The following SPG11 variants were observed in gnomAD, a reference collection of about 807,000 sequenced individuals.
The protein encoded by SPG11 is SPG11 vesicle trafficking associated, spatacsin.
Under a neutral mutation model 274.0 loss-of-function variants are expected in SPG11, and 222 were observed. That is an observed-to-expected ratio of 0.81 (90% CI 0.73 to 0.91). The LOEUF (loss-of-function observed/expected upper bound fraction) is 0.91, where lower values mean the gene tolerates loss of function less well. SPG11 is among the 40% of genes least tolerant of loss of function. The pLI, the probability that SPG11 is intolerant of heterozygous loss-of-function variation, is 0.00. For missense variants in SPG11, 3,114 were observed against 2,872.7 expected (o/e 1.08, Z -1.92); for synonymous variants, 1,144 against 1,039.7 (o/e 1.10, Z -1.93).
chr15:44,623,024 CT>C (rs1249653560), intron 11 of SPG11, among the ~76,000 whole-genome samples: 2 of 152,204 alleles, frequency 1.3e-5, no homozygotes, highest in Non-Finnish European at 2.9e-5. Flanking sequence ...TCACAGCTCA[CT>C]GCAGCCTCGA....
At position 44,662,145 on chromosome 15, in the gene SPG11, T is replaced by C. The variant is rs144955966; in HGVS notation, c.257+1246A>G. On this transcript the variant is annotated intron_variant, in intron 1 of 39. Transcript: ENST00000261866. ...AATTTCCCCTAAACTAGTTTATAAA[T>C]AACTTAGTTTATAATAAGTTTATAA... Among the ~76,000 whole-genome samples the C allele has an allele frequency of 1.7e-4, 26 of 152,310 alleles. No individual in the cohort carries two copies. In the East Asian group the frequency reaches 4.6e-3, roughly 27 times the overall value.
In SPG11 at chr15:44,574,976, C is replaced by G; in HGVS notation, c.5932G>C (p.Glu1978Gln). ...PSSNEVVTNL[E>Q]VLTSKCLHGK... ...TGGAGGCATTTGCTTGTCAGCACTT[C>G]CAGGTTAGTTACCACTTCATTACTG... is the stretch of plus-strand genomic sequence containing the variant. Residue 1978 changes from glutamate (E) to glutamine (Q), a missense_variant, in exon 31 of 40, where the codon GAA (glutamate) becomes CAA (glutamine). Glu to Gln is a conservative substitution (Grantham distance 29). Coordinates refer to ENST00000261866, the MANE Select transcript of SPG11 (RefSeq NM_025137.4). The G allele has an allele frequency of 6.2e-7, 1 of 1,614,148 alleles. No homozygotes were observed. Among genetic ancestry groups the G allele is most frequent in the Non-Finnish European group, 8.5e-7 (1 of 1,180,038 alleles).
rs547792779 is a variant in SPG11 at position 44,581,623 on chromosome 15, G to A, written c.5866+2191C>T. ...AAAAAAAAAAAAAAGGCTGGGCGTG[G>A]TGGCTCACGCCTGTAATCCCAGCAC... On this transcript the variant is annotated intron_variant, in intron 30 of 39. Transcript: ENST00000261866. Among the ~76,000 whole-genome samples the A allele has an allele frequency of 9.2e-5, 14 of 151,480 alleles. No individual in the cohort carries two copies. The South Asian group carries it at 2.9e-3, about 31-fold the overall frequency.
chr15:44,620,597 A>G (rs1368363168), intron 14 of SPG11, 194 bp from the exon 15 acceptor site: 2 of 549,312 alleles, frequency 3.6e-6, no homozygotes, highest in African/African-American at 3.8e-5. Context: ...GCTGGAGTGC[A>G]GTGGTGCACT....
rs1021336855 is a variant in SPG11, at chr15:44,580,314, A to G, written c.5866+3500T>C. 2.6e-5 allele frequency among the ~76,000 whole-genome samples: 4 copies of G among 152,218 alleles called. No homozygotes were observed. In the East Asian group the frequency reaches 5.8e-4, roughly 22 times the overall value. ...AGAAGTCTATACCACCTAGGTTTGT[A>G]TAAGTGTGCTCTAAGATGTTTACAC... On this transcript the variant is annotated intron_variant, in intron 30 of 39. Transcript: ENST00000261866.
intron 25 of SPG11, 137 bp downstream of exon 25, chr15:44,595,946 G>T: frequency 2.6e-6 from 3 of 1,163,420 alleles, no homozygotes; most frequent in South Asian, 1.3e-5. Context: ...AGCACAAAAT[G>T]TTGCAGTGAA....
At chr15:44,632,504 G>T (rs983783540) in intron 8 of SPG11, among the ~76,000 whole-genome samples, 3 of 151,742 alleles carry the variant, frequency 2.0e-5, no homozygotes, top group African/African-American at 7.3e-5. Flanking sequence ...AAAAAGCAGA[G>T]AAGTCTGGGT....
chr15:44,624,726 C>T (rs1380565198), intron 11 of SPG11, among the ~76,000 whole-genome samples: 1 of 152,144 alleles, frequency 6.6e-6, no homozygotes, highest in Non-Finnish European at 1.5e-5. Flanking sequence ...AATTAGCTTA[C>T]TTGTGGTAAT....
At chr15:44,601,557 C>CTTT (rs776775388) in intron 20 of SPG11, among the ~76,000 whole-genome samples, 2 of 122,788 alleles carry the variant, frequency 1.6e-5, no homozygotes, top group African/African-American at 3.4e-5. Context: ...CCAGCCTCTT[C>CTTT]TTTTTTTTTT....
At chr15:44,641,586 T>TACGCACAC (rs1555458668) in intron 7 of SPG11, among the ~76,000 whole-genome samples, 1 of 112,396 alleles carries the variant, frequency 8.9e-6, no homozygotes, top group Non-Finnish European at 1.8e-5. Context: ...CCAAATATCT[T>TACGCACAC]ACACACACAC....
At position 44,633,349 on chromosome 15, in the gene SPG11, A is replaced by G. The variant is rs1366435717; in HGVS notation, c.1735+156T>C. 23 of 306,082 alleles carry G rather than the reference A, an allele frequency of 7.5e-5. No homozygotes were observed. In the East Asian group the frequency reaches 1.3e-3, roughly 18 times the overall value. The allele number at this position is 306,082 out of a possible 1,614,324, so 19.0% of individuals were successfully genotyped here. ...CAAAAAAAAAAAAAAAAAAAAAAAA[A>G]AAAAAAAAAAAAAGAAAGTTTCCAA... On this transcript the variant is annotated intron_variant, in intron 8 of 39. Coordinates refer to ENST00000261866, the MANE Select transcript of SPG11 (RefSeq NM_025137.4).
At chr15:44,596,434 A>G in intron 24 of SPG11, 79 bp from the exon 25 acceptor site, 2 of 1,523,506 alleles carry the variant, frequency 1.3e-6, no homozygotes, top group Non-Finnish European at 1.8e-6. Flanking sequence ...AGAAAAGCAT[A>G]GACAAAATTA....
chr15:44,612,236 T>G (rs1325490479), intron 17 of SPG11, among the ~76,000 whole-genome samples: 1 of 152,170 alleles, frequency 6.6e-6, no homozygotes, highest in African/African-American at 2.4e-5. Context: ...TGTCACAAGG[T>G]AGGAGCTCAA....
chr15:44,650,773 G>A (rs891929127), intron 6 of SPG11, among the ~76,000 whole-genome samples: 8 of 151,800 alleles, frequency 5.3e-5, no homozygotes, highest in South Asian at 4.2e-4. Context: ...TTTTTGAGAC[G>A]GAGTCTCACT....
At chr15:44,658,911 C>A (rs930818957) in intron 3 of SPG11, among the ~76,000 whole-genome samples, 168 bp downstream of exon 3, 2 of 152,068 alleles carry the variant, frequency 1.3e-5, no homozygotes, top group Non-Finnish European at 2.9e-5. Flanking sequence ...AAGCAATATA[C>A]AATTTAGTAT....
At chr15:44,604,199 TAAAAA>T in intron 20 of SPG11, 3 of 357,324 alleles carry the variant, frequency 8.4e-6, no homozygotes, top group East Asian at 1.7e-4. Context: ...ACCTGATTCC[TAAAAA>T]AAAAAAAAAG....
chr15:44,624,147 G>C (rs1344102626), intron 11 of SPG11, among the ~76,000 whole-genome samples: 1 of 150,004 alleles, frequency 6.7e-6, no homozygotes, highest in Non-Finnish European at 1.5e-5. Flanking sequence ...AATGGATAAA[G>C]AAAATGTGGT....
At chr15:44,650,904 C>T (rs573873639) in intron 6 of SPG11, among the ~76,000 whole-genome samples, 12 of 152,030 alleles carry the variant, frequency 7.9e-5, no homozygotes, top group East Asian at 7.8e-4. Context: ...CCGGCCACCA[C>T]GCAAGGCTAA....
chr15:44,645,554 C>T (rs1034229610), intron 7 of SPG11, among the ~76,000 whole-genome samples: 2 of 151,904 alleles, frequency 1.3e-5, no homozygotes, highest in Non-Finnish European at 2.9e-5. Flanking sequence ...GGACATAGGC[C>T]CTGGCAAAGA....
Sources: gnomAD v4.1 joint callset for allele counts (sites outside exome capture counted in the v4.1 genomes callset) on GRCh38, gnomAD v4.1.1 for gene constraint, MANE v1.5 for transcripts, NCBI Gene and HGNC (gene_info 2026-07-23, HGNC 2026-07-21) for gene names.